RAD18: variants seen among roughly 807,000 people sequenced by gnomAD.
The protein encoded by RAD18 is E3 ubiquitin-protein ligase RAD18.
RAD18 carries 47 observed loss-of-function variants against 60.4 expected under a neutral mutation model. The observed-to-expected ratio is 0.78, with a 90% confidence interval of 0.62 to 0.99. The LOEUF (loss-of-function observed/expected upper bound fraction) is 0.99, where lower values mean the gene tolerates loss of function less well. RAD18 is among the 50% of genes least tolerant of loss of function. The pLI is 0.00. For missense variants in RAD18, 640 were observed against 593.3 expected, an observed-to-expected ratio of 1.08 and a Z score of -0.82; for synonymous variants, 225 against 195.5, an observed-to-expected ratio of 1.15 and a Z score of -1.26.
At chr3:8,919,194 A>C (rs1467529342) in intron 7 of RAD18, among the ~76,000 whole-genome samples, 4 of 152,232 alleles carry the variant, frequency 2.6e-5, no homozygotes, top group African/African-American at 9.6e-5. Context: ...CTAAATCATC[A>C]TTAGAACCAC....
At chr3:8,920,266 G>A (rs868748340) in intron 7 of RAD18, among the ~76,000 whole-genome samples, 7 of 131,720 alleles carry the variant, frequency 5.3e-5, no homozygotes, top group Non-Finnish European at 7.7e-5. Context: ...ACGACAGAGC[G>A]AGACTCCGTC....
At chr3:8,882,504 C>T (rs1458279500) in intron 12 of RAD18, among the ~76,000 whole-genome samples, 1 of 152,130 alleles carries the variant, frequency 6.6e-6, no homozygotes, top group African/African-American at 2.4e-5. Context: ...GACTCAGGCA[C>T]ACAGGGCCTA....
chr3:8,912,198 T>A (rs1940115828), intron 9 of RAD18, 114 bp downstream of exon 9: 2 of 828,446 alleles, frequency 2.4e-6, no homozygotes, highest in African/African-American at 1.8e-5. Context: ...TCTTAAGTAA[T>A]GTTAACAAAA....
intron 1 of RAD18, 56 bp downstream of exon 1, chr3:8,963,279 G>A: frequency 6.5e-7 from 1 of 1,529,014 alleles, no homozygotes; most frequent in Non-Finnish European, 8.9e-7. Flanking sequence ...CTCCTCAAAG[G>A]GAGGGACCTC....
intron 12 of RAD18, 61 bp from the exon 13 acceptor site, chr3:8,881,520 A>G: frequency 7.4e-7 from 1 of 1,343,036 alleles, no homozygotes; most frequent in Non-Finnish European, 1.1e-6. Context: ...AGCAGTTTCT[A>G]GTTTACAAGT....
chr3:8,902,745 A>C (rs1363030999), intron 9 of RAD18, among the ~76,000 whole-genome samples: 2 of 152,092 alleles, frequency 1.3e-5, no homozygotes, highest in African/African-American at 4.8e-5. Context: ...AAAAAAAATT[A>C]GCCAGGTGTG....
At chr3:8,962,652 G>T (rs1193470833) in intron 1 of RAD18, among the ~76,000 whole-genome samples, 1 of 152,074 alleles carries the variant, frequency 6.6e-6, no homozygotes, top group Non-Finnish European at 1.5e-5. Context: ...GCAAATCCAG[G>T]GCCCACCACT....
At chr3:8,921,480 T>C (rs999416979) in intron 7 of RAD18, among the ~76,000 whole-genome samples, 2 of 152,098 alleles carry the variant, frequency 1.3e-5, no homozygotes, top group African/African-American at 4.8e-5. Context: ...AGTGAGACCC[T>C]GTCTCTACAA....
intron 6 of RAD18, among the ~76,000 whole-genome samples, chr3:8,936,925 G>A (rs1308391024): frequency 1.3e-5 from 2 of 151,720 alleles, no homozygotes; most frequent in Non-Finnish European, 2.9e-5. Flanking sequence ...ATCAAACAGA[G>A]AAATATTACA....
chr3:8,933,777 A>G (rs1249496756), intron 7 of RAD18, among the ~76,000 whole-genome samples: 4 of 152,244 alleles, frequency 2.6e-5, no homozygotes, highest in African/African-American at 9.6e-5. Flanking sequence ...ATTGATCTAT[A>G]AATTCAATGT....
intron 7 of RAD18, among the ~76,000 whole-genome samples, chr3:8,925,638 T>C (rs539067365): frequency 6.6e-6 from 1 of 152,286 alleles, no homozygotes; most frequent in East Asian, 1.9e-4. Context: ...ATACCCCTGA[T>C]GAACATCGAT....
chr3:8,958,351 C>A (rs1941043394), intron 2 of RAD18, among the ~76,000 whole-genome samples: 1 of 152,198 alleles, frequency 6.6e-6, no homozygotes, highest in South Asian at 2.1e-4. Context: ...GATAGGGTAA[C>A]CCCTATGCAC....
chr3:8,958,807 A>G (rs1230253290), intron 2 of RAD18, 113 bp downstream of exon 2: 2 of 820,656 alleles, frequency 2.4e-6, no homozygotes, highest in South Asian at 3.3e-5. Flanking sequence ...AAACTACAAG[A>G]TAGAAGAGCT....
intron 7 of RAD18, among the ~76,000 whole-genome samples, chr3:8,933,829 G>GA (rs1940604708): frequency 6.6e-6 from 1 of 152,188 alleles, no homozygotes; most frequent in East Asian, 1.9e-4. Flanking sequence ...AAAAGGCCTA[G>GA]AAAAAACAAG....
chr3:8,885,738 T>C lies in RAD18; in HGVS notation c.1386-4279A>G, dbSNP rs1054023128. 2.6e-5 allele frequency among the ~76,000 whole-genome samples: 4 copies of C among 152,326 alleles called. No individual in the cohort carries two copies. In the South Asian group the frequency reaches 6.2e-4, roughly 24 times the overall value. Reference sequence around the variant, plus strand: ...CAGGTTACAGGAGGAGCTATGATTATTCATAAAGGGGGATCCTAATGCATG... The same window carrying C: ...CAGGTTACAGGAGGAGCTATGATTACTCATAAAGGGGGATCCTAATGCATG... On this transcript the variant is annotated intron_variant, in intron 12 of 12. Coordinates refer to ENST00000264926, the MANE Select transcript of RAD18 (RefSeq NM_020165.4).
chr3:8,915,424 C>T (rs907448286), intron 7 of RAD18, among the ~76,000 whole-genome samples: 2 of 152,084 alleles, frequency 1.3e-5, no homozygotes, highest in African/African-American at 2.4e-5. Context: ...TGACATAGGA[C>T]AGTACACCAG....
intron 12 of RAD18, among the ~76,000 whole-genome samples, chr3:8,883,767 G>A (rs1194595234): frequency 3.9e-5 from 6 of 152,082 alleles, no homozygotes. Context: ...AAACCCCCAT[G>A]GAAATCTTAT....
At chr3:8,931,187 CA>C (rs1342827778) in intron 7 of RAD18, among the ~76,000 whole-genome samples, 1 of 151,790 alleles carries the variant, frequency 6.6e-6, no homozygotes, top group East Asian at 1.9e-4. Flanking sequence ...AGTAAATATA[CA>C]AAAATAAATG....
chr3:8,916,658 T>C (rs1218163308), intron 7 of RAD18, among the ~76,000 whole-genome samples: 1 of 152,082 alleles, frequency 6.6e-6, no homozygotes, highest in Non-Finnish European at 1.5e-5. Flanking sequence ...TACTTTTTTT[T>C]AGAAAGAATA....
Sources: allele counts gnomAD v4.1 joint callset (sites outside exome capture counted in the v4.1 genomes callset), GRCh38; gene constraint gnomAD v4.1.1; transcripts MANE v1.5; gene names NCBI Gene and HGNC (gene_info 2026-07-23, HGNC 2026-07-21).